The following STAU2 variants were observed in gnomAD, a reference collection of about 807,000 sequenced individuals.
The protein encoded by STAU2 is double-stranded RNA-binding protein Staufen homolog 2.
In STAU2, 20 loss-of-function variants were observed where a neutral mutation model predicts 65.9. The ratio of observed to expected loss-of-function variants is 0.30; its 90% CI spans 0.21 to 0.44. STAU2 has a LOEUF of 0.44. STAU2 is among the 20% of genes least tolerant of loss of function. STAU2 has a pLI of 1.00. For missense variants in STAU2, 558 were observed against 683.9 expected (o/e 0.82, Z 2.05); for synonymous variants, 232 against 233.9 (o/e 0.99, Z 0.07).
At chr8:73,567,593 T>C (rs1433109199) in intron 12 of STAU2, among the ~76,000 whole-genome samples, 1 of 151,756 alleles carries the variant, frequency 6.6e-6, no homozygotes, top group Admixed American at 6.6e-5. Context: ...CATTCTGTGG[T>C]CCAGGCTGCA....
chr8:73,732,119 T>C (rs1302897422), intron 3 of STAU2, among the ~76,000 whole-genome samples: 1 of 152,208 alleles, frequency 6.6e-6, no homozygotes, highest in East Asian at 1.9e-4. Context: ...TGACTAAAGC[T>C]GAGACATCTG....
chr8:73,652,720 G>A, intron 6 of STAU2: 1 of 138,074 alleles, frequency 7.2e-6, no homozygotes, highest in East Asian at 2.1e-4. Flanking sequence ...GCAAGACTCT[G>A]TCCCAAAAAA....
intron 3 of STAU2, among the ~76,000 whole-genome samples, chr8:73,715,539 T>A (rs1204736471): frequency 2.6e-5 from 4 of 152,096 alleles, no homozygotes; most frequent in African/African-American, 7.2e-5. Context: ...AGATTTTTTT[T>A]AATAATCATT....
At chr8:73,459,860 G>A (rs1317515657) in intron 13 of STAU2, among the ~76,000 whole-genome samples, 1 of 152,204 alleles carries the variant, frequency 6.6e-6, no homozygotes, top group Non-Finnish European at 1.5e-5. Context: ...GCTCAATGCA[G>A]CCACTGTCTC....
chr8:73,420,721 G>T lies in STAU2; in HGVS notation c.*651C>A, dbSNP rs944594083. ...TTTGTTTTGTTTCTCAGTTCCTGGA[G>T]TATGTTGAAACTACTTGCTCTTAAC... On this transcript the variant is annotated 3_prime_UTR_variant, in exon 15 of 15. Coordinates refer to ENST00000524300, the MANE Select transcript of STAU2 (RefSeq NM_001164380.2). 6.4e-6 allele frequency: 1 copy of T among 157,036 alleles called. No individual in the cohort carries two copies. Among genetic ancestry groups the T allele is most frequent in the African/African-American group, 2.4e-5 (1 of 41,522 alleles). 9.7% of individuals were successfully genotyped at this position (157,036 alleles called of 1,614,324 possible).
At chr8:73,746,911 G>T, upstream of STAU2, 2 of 891,030 alleles carry the variant, frequency 2.2e-6, no homozygotes, top group Non-Finnish European at 2.7e-6. Flanking sequence ...GCCTCCGCCC[G>T]CCTCCCCGGC....
intron 13 of STAU2, among the ~76,000 whole-genome samples, chr8:73,544,840 G>A (rs1246032968): frequency 6.6e-6 from 1 of 152,162 alleles, no homozygotes; most frequent in East Asian, 1.9e-4. Context: ...TGTAATGTTT[G>A]AACACTGATC....
chr8:73,701,648 C>T (rs1388164109), intron 4 of STAU2, among the ~76,000 whole-genome samples: 4 of 152,084 alleles, frequency 2.6e-5, no homozygotes, highest in Non-Finnish European at 5.9e-5. Context: ...TAAATTAGTA[C>T]AACCACTATG....
rs143939973 is a variant in STAU2 at position 73,630,303 on chromosome 8, C to T, written c.411-12852G>A. Among the ~76,000 whole-genome samples the T allele has an allele frequency of 5.0e-3, 765 of 152,296 alleles. 3 individuals carry two copies. Among genetic ancestry groups the T allele is most frequent in the Non-Finnish European group, 8.8e-3 (599 of 68,026 alleles). ...CTCTTATTCCAGGATGCACACTAAG[C>T]TGAGAACTATCCAATCCTCTTTATC... On this transcript the variant is annotated intron_variant, in intron 6 of 14. Transcript: ENST00000524300.
intron 4 of STAU2, 87 bp from the exon 5 acceptor site, chr8:73,688,900 G>C: frequency 1.0e-5 from 15 of 1,492,124 alleles, no homozygotes; most frequent in Non-Finnish European, 1.2e-5. Flanking sequence ...AAACATCATA[G>C]AATCAGAATT....
intron 1 of STAU2, among the ~76,000 whole-genome samples, chr8:73,740,839 A>G (rs1806801834): frequency 6.6e-6 from 1 of 152,020 alleles, no homozygotes; most frequent in South Asian, 2.1e-4. Flanking sequence ...TGTCTCTACT[A>G]AAAATACAAA....
chr8:73,637,960 T>C (rs980982108), intron 6 of STAU2, among the ~76,000 whole-genome samples: 2 of 151,838 alleles, frequency 1.3e-5, no homozygotes, highest in African/African-American at 2.4e-5. Flanking sequence ...TTAGAAAAAA[T>C]AATGCAGCTT....
chr8:73,462,155 T>C (rs541656809), intron 13 of STAU2, among the ~76,000 whole-genome samples: 12 of 152,238 alleles, frequency 7.9e-5, no homozygotes, highest in South Asian at 2.1e-4. Context: ...TCTTGGATCA[T>C]TGCAACCTCC....
chr8:73,488,547 G>A (rs1344431128), intron 13 of STAU2, among the ~76,000 whole-genome samples: 1 of 151,826 alleles, frequency 6.6e-6, no homozygotes, highest in Non-Finnish European at 1.5e-5. Flanking sequence ...TGAGGAAAAG[G>A]GCAATTAAAG....
At chr8:73,678,090 G>C (rs1293866336) in intron 5 of STAU2, among the ~76,000 whole-genome samples, 1 of 152,142 alleles carries the variant, frequency 6.6e-6, no homozygotes, top group Non-Finnish European at 1.5e-5. Context: ...GAGGCATACA[G>C]TACTCAATGC....
intron 13 of STAU2, among the ~76,000 whole-genome samples, chr8:73,501,399 T>G (rs536308818): frequency 3.3e-5 from 5 of 152,068 alleles, no homozygotes; most frequent in African/African-American, 1.2e-4. Flanking sequence ...AATTGTGTAT[T>G]TATATTTGAC....
intron 4 of STAU2, among the ~76,000 whole-genome samples, chr8:73,692,410 C>G (rs896261320): frequency 6.6e-6 from 1 of 152,030 alleles, no homozygotes; most frequent in African/African-American, 2.4e-5. Context: ...GTTGGCCAGG[C>G]TGGTCTCGAA....
intron 13 of STAU2, among the ~76,000 whole-genome samples, chr8:73,528,016 A>G (rs915375365): frequency 6.6e-6 from 1 of 152,216 alleles, no homozygotes; most frequent in Non-Finnish European, 1.5e-5. Context: ...AATGCTATGC[A>G]AAGTGCTTTT....
At chr8:73,607,429 A>G (rs1812100979) in intron 9 of STAU2, among the ~76,000 whole-genome samples, 1 of 152,110 alleles carries the variant, frequency 6.6e-6, no homozygotes, top group Non-Finnish European at 1.5e-5. Flanking sequence ...ATGTATTATA[A>G]CATAAAAGCA....
Sources: allele counts gnomAD v4.1 joint callset (sites outside exome capture counted in the v4.1 genomes callset), GRCh38; gene constraint gnomAD v4.1.1; transcripts MANE v1.5; gene names NCBI Gene and HGNC (gene_info 2026-07-23, HGNC 2026-07-21).